Variants in PDZRN3 observed in about 807,000 individuals in gnomAD.
PDZRN3 encodes PDZ domain containing ring finger 3.
PDZRN3 carries 38 observed loss-of-function variants against 85.7 expected under a neutral mutation model. The ratio of observed to expected loss-of-function variants is 0.44; its 90% CI spans 0.34 to 0.58. PDZRN3 has a LOEUF of 0.58. PDZRN3 is among the 20% of genes least tolerant of loss of function. The pLI is 0.01. For synonymous variants in PDZRN3, 759 were observed against 638.0 expected, an observed-to-expected ratio of 1.19 and a Z score of -2.86; for missense variants, 1,629 against 1,506.4, an observed-to-expected ratio of 1.08 and a Z score of -1.35.
chr3:73,395,954 G>A (rs772637047), intron 5 of PDZRN3, among the ~76,000 whole-genome samples: 16 of 152,206 alleles, frequency 1.1e-4, no homozygotes, highest in South Asian at 2.1e-4. Flanking sequence ...CGGGTGCAGT[G>A]GCTCATACCT....
chr3:73,408,654 G>T (rs1177117013), intron 3 of PDZRN3, among the ~76,000 whole-genome samples: 3 of 152,024 alleles, frequency 2.0e-5, no homozygotes, highest in African/African-American at 7.3e-5. Context: ...TCTTGACAAG[G>T]TATTTTAGGG....
intron 3 of PDZRN3, among the ~76,000 whole-genome samples, chr3:73,424,278 T>A (rs1436963304): frequency 6.9e-6 from 1 of 145,760 alleles, no homozygotes; most frequent in East Asian, 2.0e-4. Flanking sequence ...ACGCCTGTAA[T>A]CCCAGCACTT....
At chr3:73,565,786 A>AACACAAACACACACACAC (rs1196865835) in intron 3 of PDZRN3, among the ~76,000 whole-genome samples, 1 of 37,914 alleles carries the variant, frequency 2.6e-5, no homozygotes, top group African/African-American at 4.7e-5. Flanking sequence ...AAAAATACAA[A>AACACAAACACACACACAC]ACACACACAC....
At chr3:73,473,873 C>A (rs377031626) in intron 3 of PDZRN3, among the ~76,000 whole-genome samples, 6 of 152,324 alleles carry the variant, frequency 3.9e-5, no homozygotes, top group African/African-American at 1.4e-4. Context: ...GACCCTGAAA[C>A]AGAACCACTC....
At chr3:73,511,236 ACT>A (rs1415857527) in intron 3 of PDZRN3, among the ~76,000 whole-genome samples, 1 of 152,052 alleles carries the variant, frequency 6.6e-6, no homozygotes, top group Non-Finnish European at 1.5e-5. Context: ...GGTCTCTGAC[ACT>A]CTCACCATCA....
At chr3:73,410,450 T>G (rs1277909365) in intron 3 of PDZRN3, among the ~76,000 whole-genome samples, 1 of 152,212 alleles carries the variant, frequency 6.6e-6, no homozygotes, top group Non-Finnish European at 1.5e-5. Flanking sequence ...TGGGTTCTAG[T>G]TGGGACCTCA....
intron 3 of PDZRN3, among the ~76,000 whole-genome samples, chr3:73,589,660 T>A (rs1702325902): frequency 6.6e-6 from 1 of 152,180 alleles, no homozygotes; most frequent in East Asian, 1.9e-4. Context: ...AAATAAAGAT[T>A]TCCTTGTCAC....
chr3:73,569,468 A>G, intron 3 of PDZRN3: 4 of 1,116,702 alleles, frequency 3.6e-6, no homozygotes, highest in Non-Finnish European at 4.4e-6. Flanking sequence ...CTACACTGAC[A>G]ATTTCCACTG....
chr3:73,563,013 A>ATTTTT (rs879510100), intron 3 of PDZRN3, among the ~76,000 whole-genome samples: 2 of 43,778 alleles, frequency 4.6e-5, no homozygotes, highest in East Asian at 1.0e-3. Context: ...ATATATATAT[A>ATTTTT]TTTTTTTTTT....
intron 3 of PDZRN3, among the ~76,000 whole-genome samples, chr3:73,416,292 T>C (rs567944874): frequency 6.6e-6 from 1 of 152,150 alleles, no homozygotes; most frequent in Non-Finnish European, 1.5e-5. Context: ...TACATTATTC[T>C]TTGTTAAGCT....
chr3:73,384,047 C>T lies in PDZRN3; in HGVS notation c.2519G>A (p.Arg840Gln), dbSNP rs767010837. ...DPNQPLESKERRASDGSRSPT... is the reference protein window; with the variant it reads ...DPNQPLESKEQRASDGSRSPT... ...GCTCCGGCTCCCGTCGCTGGCTCTCCGCTCTTTGCTTTCCAGGGGCTGGTT... is the reference window on the plus strand; with the variant it reads ...GCTCCGGCTCCCGTCGCTGGCTCTCTGCTCTTTGCTTTCCAGGGGCTGGTT... Residue 840 changes from arginine (R) to glutamine (Q), a missense_variant, in exon 10 of 10, where the codon CGG (arginine) becomes CAG (glutamine). Physicochemically the swap from Arg to Gln is conservative, Grantham distance 43. Coordinates refer to ENST00000263666, the MANE Select transcript of PDZRN3 (RefSeq NM_015009.3). 37 of 1,603,216 alleles carry T rather than the reference C, an allele frequency of 2.3e-5. No homozygotes were observed. Among genetic ancestry groups the T allele is most frequent in the South Asian group, 1.9e-4 (17 of 89,558 alleles).
chr3:73,605,120 T>C (rs1702577801), intron 2 of PDZRN3, among the ~76,000 whole-genome samples: 2 of 151,250 alleles, frequency 1.3e-5, no homozygotes, highest in Non-Finnish European at 2.9e-5. Context: ...GGTGGGAGGA[T>C]GGCTTGAGCC....
intron 3 of PDZRN3, among the ~76,000 whole-genome samples, chr3:73,593,273 A>T (rs1021329862): frequency 2.6e-5 from 4 of 152,178 alleles, no homozygotes; most frequent in Admixed American, 6.5e-5. Flanking sequence ...TTTTGACCTA[A>T]TCTTCACTCA....
rs537405189 is a variant in PDZRN3 at position 73,541,431 on chromosome 3, A to G, written c.918+60923T>C. Among the ~76,000 whole-genome samples, 7 of 152,332 alleles carry G rather than the reference A, an allele frequency of 4.6e-5. No individual in the cohort carries two copies. In the South Asian group the frequency reaches 1.0e-3, roughly 23 times the overall value. ...TTCATTTAACCCACATAAGCCTATG[A>G]GTTATGTACCATAATTATCTCCTTT... On this transcript the variant is annotated intron_variant, in intron 3 of 9. Coordinates refer to ENST00000263666, the MANE Select transcript of PDZRN3 (RefSeq NM_015009.3).
At chr3:73,429,317 C>T (rs1159433132) in intron 3 of PDZRN3, among the ~76,000 whole-genome samples, 3 of 152,190 alleles carry the variant, frequency 2.0e-5, no homozygotes, top group East Asian at 1.9e-4. Context: ...TAAGCAAACA[C>T]ACTCCTACTT....
intron 3 of PDZRN3, among the ~76,000 whole-genome samples, chr3:73,421,141 T>C (rs561435951): frequency 6.6e-6 from 1 of 152,282 alleles, no homozygotes; most frequent in South Asian, 2.1e-4. Flanking sequence ...GAAGAACCCA[T>C]AGATATGAAG....
chr3:73,466,911 A>C (rs1341609463), intron 3 of PDZRN3, among the ~76,000 whole-genome samples: 1 of 152,178 alleles, frequency 6.6e-6, no homozygotes, highest in Non-Finnish European at 1.5e-5. Context: ...TTCCACTTGA[A>C]CATATTAAGT....
rs200063872 is a variant in PDZRN3 at position 73,408,590 on chromosome 3, G to GA, written c.919-4196_919-4195insT. On this transcript the variant is annotated intron_variant, in intron 3 of 9. Transcript: ENST00000263666. ...CCTCGAGTTGGGATTCTTGGAGGAG[G>GA]GGGGGGGGTGCAACAGAAAAATTTT... 2.9e-4 allele frequency among the ~76,000 whole-genome samples: 43 copies of GA among 150,120 alleles called. 1 individual carries two copies. Among genetic ancestry groups the GA allele is most frequent in the Middle Eastern group, 6.8e-3 (2 of 292 alleles).
chr3:73,383,449 C>A lies in PDZRN3; in HGVS notation c.3117G>T (p.Thr1039=), dbSNP rs374426360. Residue 1039 remains threonine (T), a synonymous_variant, in exon 10 of 10, where the codon ACG becomes ACT. Transcript: ENST00000263666. The part of the protein sequence containing the change: ...RNKKIFDNWM[T]IQELLTHGTK... ...TGCCGTGGGTTAAGAGTTCTTGGAT[C>A]GTCATCCAGTTATCGAAGATTTTCT... The A allele has an allele frequency of 1.9e-6, 3 of 1,614,120 alleles. No homozygotes were observed. Among genetic ancestry groups the A allele is most frequent in the South Asian group, 1.1e-5 (1 of 91,082 alleles).
Sources: allele counts gnomAD v4.1 joint callset (sites outside exome capture counted in the v4.1 genomes callset), GRCh38; gene constraint gnomAD v4.1.1; transcripts MANE v1.5; gene names NCBI Gene and HGNC (gene_info 2026-07-23, HGNC 2026-07-21).